MAP3K14: variants seen among roughly 807,000 people sequenced by gnomAD.
The protein encoded by MAP3K14 is NF-kappa-beta-inducing kinase.
In MAP3K14, 16 loss-of-function variants were observed where a neutral mutation model predicts 99.2. The observed-to-expected ratio is 0.16, with a 90% CI of 0.11 to 0.24. MAP3K14 has a LOEUF of 0.24. MAP3K14 is among the 10% of genes least tolerant of loss of function. MAP3K14 has a pLI of 1.00. For missense variants in MAP3K14, 784 were observed against 1,208.7 expected (o/e 0.65, Z 5.21); for synonymous variants, 462 against 492.4 (o/e 0.94, Z 0.82).
At chr17:45,307,608 C>T (rs1453397930) in intron 1 of MAP3K14, among the ~76,000 whole-genome samples, 1 of 152,152 alleles carries the variant, frequency 6.6e-6, no homozygotes, top group African/African-American at 2.4e-5. Context: ...TACGGTCAAT[C>T]TCGCTGAAAT....
chr17:45,290,762 C>T lies in MAP3K14; in HGVS notation c.-17G>A. On this transcript the variant is annotated 5_prime_UTR_variant, in exon 2 of 16. The change abolishes an upstream ATG in the 5' untranslated region. Transcript: ENST00000344686. ...CACTGCCATCTCCCAGGCTTGTGCT[C>T]ATCCTGAGAGAGACCAAACACAGAG... 6.2e-7 allele frequency: 1 copy of T among 1,611,696 alleles called. No individual in the cohort carries two copies. The highest frequency in any genetic ancestry group is 8.5e-7 in the Non-Finnish European group (1 of 1,178,470).
chr17:45,303,268 A>T lies in MAP3K14; in HGVS notation c.-20-12503T>A, dbSNP rs529224727. On this transcript the variant is annotated intron_variant, in intron 1 of 15. Transcript: ENST00000344686. ...ATGTGATCTTTAACCTTGCTTAAAA[A>T]TTTTTTTTCAGGCCAGGTGCAGTGG... Among the ~76,000 whole-genome samples, 14 of 152,198 alleles carry T rather than the reference A, an allele frequency of 9.2e-5. No individual in the cohort carries two copies. The East Asian group carries it at 1.7e-3, about 19-fold the overall frequency.
chr17:45,277,846 G>T (rs1318509862), intron 6 of MAP3K14, among the ~76,000 whole-genome samples: 1 of 152,148 alleles, frequency 6.6e-6, no homozygotes, highest in Non-Finnish European at 1.5e-5. Context: ...TGTTTTTGCA[G>T]GTCACTGTGA....
At chr17:45,315,266 C>T (rs1349000750) in intron 1 of MAP3K14, among the ~76,000 whole-genome samples, 1 of 152,036 alleles carries the variant, frequency 6.6e-6, no homozygotes, top group Non-Finnish European at 1.5e-5. Context: ...AAACTCTTAA[C>T]AGACAATACC....
At chr17:45,306,296 C>A (rs1282734620) in intron 1 of MAP3K14, among the ~76,000 whole-genome samples, 2 of 151,156 alleles carry the variant, frequency 1.3e-5, no homozygotes. Context: ...ATACTCTTAA[C>A]CATGACACTC....
At chr17:45,275,399 C>T (rs548963918) in intron 6 of MAP3K14, among the ~76,000 whole-genome samples, 166 of 148,730 alleles carry the variant, frequency 1.1e-3, no homozygotes, top group South Asian at 3.0e-3. Context: ...ACCTGGGAGT[C>T]GGAGGTTGCA....
At chr17:45,283,261 G>A (rs1004516954) in intron 6 of MAP3K14, among the ~76,000 whole-genome samples, 1 of 152,160 alleles carries the variant, frequency 6.6e-6, no homozygotes, top group South Asian at 2.1e-4. Context: ...AGCCTTCTCC[G>A]GTAGCCTGGG....
chr17:45,273,950 T>A, intron 8 of MAP3K14, 173 bp downstream of exon 8: 1 of 800,388 alleles, frequency 1.2e-6, no homozygotes, highest in Non-Finnish European at 2.0e-6. Flanking sequence ...CTACAGTGCT[T>A]GGCTAAGGGG....
chr17:45,291,277 C>T (rs974797397), intron 1 of MAP3K14, among the ~76,000 whole-genome samples: 2 of 147,838 alleles, frequency 1.4e-5, no homozygotes, highest in African/African-American at 5.0e-5. Context: ...TATTCTGTTC[C>T]CTAGTAGGAG....
chr17:45,266,666 A>G lies in MAP3K14; in HGVS notation c.2449T>C (p.Ser817Pro), dbSNP rs758889137. ...DDSEKNPSKA[S>P]QSSRDTLSSG... ...CTCAGGGTGTCCCGCGAGCTTTGAG[A>G]GGCCTTTGATGGGTTCTGAAACAAC... The change falls in exon 14 of 16, where the codon TCT becomes CCT. Residue 817 changes from serine to proline, a missense_variant. Ser to Pro is a moderately conservative substitution (Grantham distance 74, BLOSUM62 -1). Transcript: ENST00000344686. 1.9e-6 allele frequency: 3 copies of G among 1,611,740 alleles called. No homozygotes were observed. In the Admixed American group the frequency reaches 5.0e-5, roughly 27 times the overall value.
intron 1 of MAP3K14, among the ~76,000 whole-genome samples, chr17:45,314,627 A>G (rs1278836808): frequency 2.6e-5 from 4 of 152,202 alleles, no homozygotes; most frequent in Admixed American, 6.5e-5. Context: ...AGGAAAAAAA[A>G]AAAAACAACC....
intron 1 of MAP3K14, among the ~76,000 whole-genome samples, chr17:45,291,787 CA>C (rs774802023): frequency 5.9e-5 from 9 of 152,250 alleles, no homozygotes; most frequent in Admixed American, 2.0e-4. Flanking sequence ...GAGAAGGTCC[CA>C]AATGCAGACA....
At chr17:45,275,458 T>C (rs1325054502) in intron 6 of MAP3K14, among the ~76,000 whole-genome samples, 2 of 138,716 alleles carry the variant, frequency 1.4e-5, no homozygotes, top group Non-Finnish European at 3.0e-5. Context: ...CGCTCCAGTC[T>C]GGCGACAGAG....
chr17:45,268,962 C>T (rs2044120740), intron 11 of MAP3K14, among the ~76,000 whole-genome samples: 1 of 152,156 alleles, frequency 6.6e-6, no homozygotes, highest in Non-Finnish European at 1.5e-5. Context: ...AACAGCCCTA[C>T]ATCCCACCAA....
At chr17:45,307,530 T>C (rs1365882103) in intron 1 of MAP3K14, among the ~76,000 whole-genome samples, 1 of 152,210 alleles carries the variant, frequency 6.6e-6, no homozygotes, top group African/African-American at 2.4e-5. Context: ...AGCAGCATTT[T>C]GGTTGTGAAA....
At chr17:45,290,919 A>G (rs1179031931) in intron 1 of MAP3K14, 154 bp from the exon 2 acceptor site, 3 of 658,476 alleles carry the variant, frequency 4.6e-6, no homozygotes, top group Non-Finnish European at 7.8e-6. Context: ...AACATCCTCA[A>G]TGGTAACAGA....
chr17:45,264,829 G>A (rs1042875484), intron 15 of MAP3K14, 29 bp from the exon 16 acceptor site: 7 of 1,608,142 alleles, frequency 4.4e-6, no homozygotes, highest in Non-Finnish European at 5.9e-6. Context: ...AGTGGGCTGA[G>A]ATCATGGCAT....
intron 14 of MAP3K14, among the ~76,000 whole-genome samples, 176 bp from the exon 15 acceptor site, chr17:45,265,439 T>A (rs1786940487): frequency 6.6e-6 from 1 of 152,194 alleles, no homozygotes. Flanking sequence ...TAAGCACAGC[T>A]GCATTTTTTT....
intron 3 of MAP3K14, among the ~76,000 whole-genome samples, chr17:45,288,542 G>T (rs1033418354): frequency 6.6e-6 from 1 of 151,982 alleles, no homozygotes; most frequent in African/African-American, 2.4e-5. Context: ...CATGCCCAGG[G>T]AATTTTTGTA....
Sources: gnomAD v4.1 joint callset for allele counts (sites outside exome capture counted in the v4.1 genomes callset) on GRCh38, gnomAD v4.1.1 for gene constraint, MANE v1.5 for transcripts, NCBI Gene and HGNC (gene_info 2026-07-23, HGNC 2026-07-21) for gene names.